MYO9A: variants seen among roughly 807,000 people sequenced by gnomAD.
MYO9A encodes the protein unconventional myosin-IXa.
In MYO9A, 103 loss-of-function variants were observed where a neutral mutation model predicts 293.3. That is an observed-to-expected ratio of 0.35 (90% confidence interval 0.30 to 0.41). The LOEUF (loss-of-function observed/expected upper bound fraction) is 0.41. MYO9A is among the 10% of genes least tolerant of loss of function. The probability of loss-of-function intolerance (pLI) is 1.00; values close to 1 mark genes in which losing one functional copy is unlikely to be tolerated. For synonymous variants in MYO9A, 1,001 were observed against 1,035.7 expected (o/e 0.97, Z 0.64); for missense variants, 2,685 against 3,033.0 (o/e 0.89, Z 2.69).
intron 14 of MYO9A, among the ~76,000 whole-genome samples, chr15:71,958,193 C>G (rs1169480809): frequency 2.6e-5 from 4 of 152,248 alleles, no homozygotes; most frequent in East Asian, 1.9e-4. Flanking sequence ...TTCATATTTT[C>G]TACTTCGTCT....
intron 14 of MYO9A, among the ~76,000 whole-genome samples, chr15:71,957,953 A>C (rs1405115237): frequency 1.3e-5 from 2 of 152,204 alleles, no homozygotes; most frequent in Admixed American, 1.3e-4. Context: ...ACTCAGTTCT[A>C]CATACTGTAT....
intron 1 of MYO9A, among the ~76,000 whole-genome samples, chr15:72,101,673 CGTCTGGG>C (rs1318771765): frequency 4.0e-4 from 56 of 141,108 alleles, no homozygotes; most frequent in African/African-American, 1.4e-3. Flanking sequence ...CCAGCCGCCC[CGTCTGGG>C]AGGGAGGTGG....
chr15:71,897,691 G>A lies in MYO9A; in HGVS notation c.4812C>T (p.Phe1604=), dbSNP rs1231862077. Residue 1604 remains phenylalanine, a synonymous_variant, in exon 25 of 42, where the codon TTC becomes TTT. Coordinates refer to ENST00000356056, the MANE Select transcript of MYO9A (RefSeq NM_006901.4). ...GGCATGGACTTCCTTTTCTTTCAAAGAACACGGTGACAGGTCGGTCCTTTG... is the reference window on the plus strand; with the variant it reads ...GGCATGGACTTCCTTTTCTTTCAAAAAACACGGTGACAGGTCGGTCCTTTG... ...LPPKDRPVTV[F]FERKGSPCQS... 6 of 1,614,004 alleles carry A rather than the reference G, an allele frequency of 3.7e-6. No individual in the cohort carries two copies. In the African/African-American group the frequency reaches 8.0e-5, roughly 22 times the overall value.
intron 1 of MYO9A, among the ~76,000 whole-genome samples, chr15:72,106,861 T>C (rs2080587119): frequency 6.6e-6 from 1 of 152,224 alleles, no homozygotes; most frequent in Non-Finnish European, 1.5e-5. Context: ...AGAAAATCAT[T>C]ATTTCAAGTG....
At position 71,994,797 on chromosome 15, in the gene MYO9A, A is replaced by G. The variant is rs1256409772; in HGVS notation, c.1471-212T>C. 2.0e-5 allele frequency among the ~76,000 whole-genome samples: 3 copies of G among 152,212 alleles called. No individual in the cohort carries two copies. In the East Asian group the frequency reaches 5.8e-4, roughly 29 times the overall value. Reference sequence around the variant, plus strand: ...GGCCACGCTGGAATGCAATGGTGCAATCTCGGCTCATGGCAGCCTCCGTCT... The same window carrying G: ...GGCCACGCTGGAATGCAATGGTGCAGTCTCGGCTCATGGCAGCCTCCGTCT... On this transcript the variant is annotated intron_variant, in intron 9 of 41. Transcript: ENST00000356056.
At chr15:72,038,205 G>C (rs2078115140) in intron 2 of MYO9A, among the ~76,000 whole-genome samples, 1 of 152,154 alleles carries the variant, frequency 6.6e-6, no homozygotes, top group Non-Finnish European at 1.5e-5. Flanking sequence ...TTACAGGCAT[G>C]AGCCACCACA....
chr15:71,867,948 T>C (rs913488555), intron 32 of MYO9A, among the ~76,000 whole-genome samples: 3 of 152,190 alleles, frequency 2.0e-5, no homozygotes, highest in Admixed American at 2.0e-4. Context: ...TTTCTGTGTA[T>C]AGCTACTGTA....
chr15:71,958,627 C>T (rs577052956), intron 14 of MYO9A: 7 of 152,058 alleles, frequency 4.6e-5, no homozygotes, highest in African/African-American at 7.2e-5. Context: ...TGTGGTACTC[C>T]ACTGAACTAT....
rs1045595732 is a variant in MYO9A, at chr15:72,118,100, G to A, written c.-492C>T. ...GTCGCGCGCCCCCGACCCCGCGCACGCGGCCCCGCCCCGCGCGACTCCCCG... is the reference window on the plus strand; with the variant it reads ...GTCGCGCGCCCCCGACCCCGCGCACACGGCCCCGCCCCGCGCGACTCCCCG... On this transcript the variant is annotated 5_prime_UTR_variant, in exon 1 of 42. Coordinates refer to ENST00000356056, the MANE Select transcript of MYO9A (RefSeq NM_006901.4). 2 of 390,978 alleles carry A rather than the reference G, an allele frequency of 5.1e-6. No homozygotes were observed. The highest frequency in any genetic ancestry group is 2.1e-5 in the African/African-American group (1 of 48,104). The allele number at this position is 390,978 out of a possible 1,614,324, so 24.2% of individuals were successfully genotyped here.
intron 18 of MYO9A, among the ~76,000 whole-genome samples, chr15:71,922,874 T>C (rs2145146927): frequency 6.6e-6 from 1 of 152,320 alleles, no homozygotes; most frequent in Non-Finnish European, 1.5e-5. Flanking sequence ...ATGCCTTTTT[T>C]TTCTTTCTCT....
rs2081052020 is a variant in MYO9A at position 72,117,748 on chromosome 15, C to T, written c.-140G>A. ...ACGGAAGCTGCCTTCCACCCTCCGC[C>T]CCAGGGTAGGACCGGAGATGGCAGA... On this transcript the variant is annotated 5_prime_UTR_variant, in exon 1 of 42. Coordinates refer to ENST00000356056, the MANE Select transcript of MYO9A (RefSeq NM_006901.4). The T allele has an allele frequency of 1.5e-5, 6 of 397,842 alleles. No homozygotes were observed. In the Admixed American group the frequency reaches 2.6e-4, roughly 18 times the overall value. The allele number at this position is 397,842 out of a possible 1,614,324, so 24.6% of individuals were successfully genotyped here. A position where few individuals can be genotyped will look rare whatever the true frequency, so the allele number is the denominator to read the frequency against.
At chr15:71,928,058 T>TATATATATATATATATATATATA (rs2058373166) in intron 18 of MYO9A, among the ~76,000 whole-genome samples, 1 of 3,712 alleles carries the variant, frequency 2.7e-4, no homozygotes, top group Non-Finnish European at 8.4e-4. Flanking sequence ...ATATATATAT[T>TATATATATATATATATATATATA]TTTTTTTTTT....
intron 39 of MYO9A, among the ~76,000 whole-genome samples, chr15:71,841,366 AT>A (rs1262346051): frequency 6.6e-6 from 1 of 152,126 alleles, no homozygotes; most frequent in Non-Finnish European, 1.5e-5. Flanking sequence ...GTTCAGATAT[AT>A]TTTTTATCAT....
rs2054490265 is a variant in MYO9A, at chr15:71,826,128, C to G, written c.*452G>C. 6.7e-6 allele frequency: 1 copy of G among 148,730 alleles called. No individual in the cohort carries two copies. The allele number at this position is 148,730 out of a possible 1,614,324, so 9.2% of individuals were successfully genotyped here. On this transcript the variant is annotated 3_prime_UTR_variant, in exon 42 of 42. Coordinates refer to ENST00000356056, the MANE Select transcript of MYO9A (RefSeq NM_006901.4). ...TAAGTTTTTGGAAAAAAATTATATTCTACCCTAGCTCCTAACTATCCCAAA... is the reference window on the plus strand; with the variant it reads ...TAAGTTTTTGGAAAAAAATTATATTGTACCCTAGCTCCTAACTATCCCAAA...
intron 13 of MYO9A, among the ~76,000 whole-genome samples, chr15:71,966,527 C>T (rs1215103063): frequency 6.6e-6 from 1 of 152,076 alleles, no homozygotes. Context: ...AAAATCCATT[C>T]CTTCCAGTAT....
intron 15 of MYO9A, among the ~76,000 whole-genome samples, chr15:71,941,646 A>C (rs1006155532): frequency 6.6e-6 from 1 of 152,226 alleles, no homozygotes; most frequent in African/African-American, 2.4e-5. Context: ...ATTTGATGAA[A>C]AACAATGAAA....
intron 16 of MYO9A, 77 bp downstream of exon 16, chr15:71,938,775 A>T: frequency 7.7e-7 from 1 of 1,296,272 alleles, no homozygotes. Flanking sequence ...TCAAACTTTT[A>T]AAGTCACAAA....
chr15:72,021,682 C>A (rs1342229668), intron 4 of MYO9A, among the ~76,000 whole-genome samples: 2 of 152,078 alleles, frequency 1.3e-5, no homozygotes, highest in Admixed American at 6.5e-5. Context: ...CAGCCTACTT[C>A]CTAAAGCAGT....
intron 13 of MYO9A, 89 bp from the exon 14 acceptor site, chr15:71,960,185 C>A: frequency 9.0e-7 from 1 of 1,108,304 alleles, no homozygotes; most frequent in South Asian, 1.4e-5. Flanking sequence ...GGATGCTTGT[C>A]CCTCCAAACC....
Sources: allele counts gnomAD v4.1 joint callset (sites outside exome capture counted in the v4.1 genomes callset), GRCh38; gene constraint gnomAD v4.1.1; transcripts MANE v1.5; gene names NCBI Gene and HGNC (gene_info 2026-07-23, HGNC 2026-07-21).